TNFSF4: variants seen among roughly 807,000 people sequenced by gnomAD.
The protein encoded by TNFSF4 is TNF superfamily member 4, also known as tumor necrosis factor ligand superfamily member 4.
A neutral mutation model predicts 7.3 loss-of-function variants in TNFSF4; 4 were observed. That is an observed-to-expected ratio of 0.55 (90% CI 0.27 to 1.25). The LOEUF (loss-of-function observed/expected upper bound fraction) is 1.25. TNFSF4 is among the 50% of genes most tolerant of loss of function. TNFSF4 has a pLI of 0.12. For synonymous variants in TNFSF4, 76 were observed against 83.7 expected, an observed-to-expected ratio of 0.91 and a Z score of 0.50; for missense variants, 181 against 208.8, an observed-to-expected ratio of 0.87 and a Z score of 0.82.
At chr1:173,177,127 AG>A in the TNFSF4 span, among the ~76,000 whole-genome samples, 4 of 152,100 alleles carry the variant, frequency 2.6e-5, no homozygotes, top group African/African-American at 9.7e-5. Context: ...CTAAAATAAA[AG>A]TTTTAAAAAT....
the TNFSF4 span, among the ~76,000 whole-genome samples, chr1:173,442,551 G>GT: frequency 3.4e-4 from 41 of 119,398 alleles, no homozygotes; most frequent in African/African-American, 1.1e-3. Flanking sequence ...TTTTGTTTTT[G>GT]TTTTTTTTTT....
the TNFSF4 span, among the ~76,000 whole-genome samples, chr1:173,422,750 A>G: frequency 6.6e-6 from 1 of 152,218 alleles, no homozygotes; most frequent in Non-Finnish European, 1.5e-5. Context: ...TTGGAAAACC[A>G]GTCAATTACC....
chr1:173,318,487 G>A, the TNFSF4 span, among the ~76,000 whole-genome samples: 1 of 152,112 alleles, frequency 6.6e-6, no homozygotes, highest in Non-Finnish European at 1.5e-5. Context: ...CATTCTTAAG[G>A]TCAAGGGAAT....
At chr1:173,191,627 T>A (rs1649482298) in intron 1 of TNFSF4, among the ~76,000 whole-genome samples, 1 of 152,148 alleles carries the variant, frequency 6.6e-6, no homozygotes, top group Non-Finnish European at 1.5e-5. Context: ...TTTGTTCTGA[T>A]CTCCTTGCAC....
chr1:173,393,879 AC>A, the TNFSF4 span, among the ~76,000 whole-genome samples: 1 of 152,200 alleles, frequency 6.6e-6, no homozygotes, highest in African/African-American at 2.4e-5. Context: ...AGCATCCCAT[AC>A]TGCATAACTT....
At chr1:173,319,764 G>A in the TNFSF4 span, among the ~76,000 whole-genome samples, 60 of 152,218 alleles carry the variant, frequency 3.9e-4, no homozygotes, top group African/African-American at 1.3e-3. Context: ...GCAGAAGAGG[G>A]GCCTGACTGT....
chr1:173,188,424 A>G, intron 2 of TNFSF4, 97 bp downstream of exon 2: 1 of 973,496 alleles, frequency 1.0e-6, no homozygotes. Context: ...TCCTTCCCTT[A>G]GGAAAAGAAG....
the TNFSF4 span, among the ~76,000 whole-genome samples, chr1:173,323,432 T>C: frequency 6.6e-6 from 1 of 152,024 alleles, no homozygotes; most frequent in Non-Finnish European, 1.5e-5. Context: ...GCAGAAAAAC[T>C]GGAAACTCTA....
At chr1:173,373,777 G>C in the TNFSF4 span, among the ~76,000 whole-genome samples, 6 of 152,356 alleles carry the variant, frequency 3.9e-5, no homozygotes, top group East Asian at 5.8e-4. Flanking sequence ...TTGTTGGTCT[G>C]TGCTGACACC....
At chr1:173,319,422 A>G in the TNFSF4 span, among the ~76,000 whole-genome samples, 2 of 152,166 alleles carry the variant, frequency 1.3e-5, no homozygotes, top group African/African-American at 2.4e-5. Flanking sequence ...GCTTCAGCGG[A>G]TTTAATCTTT....
At chr1:173,422,910 G>C in the TNFSF4 span, among the ~76,000 whole-genome samples, 1 of 152,092 alleles carries the variant, frequency 6.6e-6, no homozygotes, top group Non-Finnish European at 1.5e-5. Flanking sequence ...GGAGAAAGGA[G>C]GTTTGTCAGC....
At chr1:173,204,286 T>A (rs1217762552) in intron 1 of TNFSF4, among the ~76,000 whole-genome samples, 1 of 152,224 alleles carries the variant, frequency 6.6e-6, no homozygotes, top group Non-Finnish European at 1.5e-5. Context: ...TTGATCCTAC[T>A]TTCTCATAAT....
At chr1:173,294,859 GA>G in the TNFSF4 span, among the ~76,000 whole-genome samples, 5 of 151,878 alleles carry the variant, frequency 3.3e-5, no homozygotes, top group Non-Finnish European at 7.4e-5. Context: ...ACATATGACT[GA>G]AAAAACTTTT....
At chr1:173,241,503 C>T in the TNFSF4 span, among the ~76,000 whole-genome samples, 1 of 152,304 alleles carries the variant, frequency 6.6e-6, no homozygotes, top group East Asian at 1.9e-4. Flanking sequence ...TCTCTATCCA[C>T]AGCATTAGTA....
chr1:173,238,193 C>G, the TNFSF4 span, among the ~76,000 whole-genome samples: 3 of 152,148 alleles, frequency 2.0e-5, no homozygotes, highest in South Asian at 2.1e-4. Context: ...GCTGGGAAAA[C>G]AGCCTAGCCA....
the TNFSF4 span, among the ~76,000 whole-genome samples, chr1:173,223,309 T>C: frequency 1.3e-5 from 2 of 152,224 alleles, no homozygotes. Flanking sequence ...AGTTTCATTC[T>C]GGCTGGACCA....
chr1:173,407,017 G>A, the TNFSF4 span, among the ~76,000 whole-genome samples: 2 of 152,164 alleles, frequency 1.3e-5, no homozygotes, highest in African/African-American at 4.8e-5. Flanking sequence ...GGATATTACA[G>A]CAGCAGCAGG....
At chr1:173,387,235 A>C in the TNFSF4 span, among the ~76,000 whole-genome samples, 1 of 152,186 alleles carries the variant, frequency 6.6e-6, no homozygotes, top group African/African-American at 2.4e-5. Flanking sequence ...TTCATGTTGA[A>C]ACTGAATCCC....
the TNFSF4 span, among the ~76,000 whole-genome samples, chr1:173,392,237 A>G: frequency 6.6e-6 from 1 of 152,230 alleles, no homozygotes; most frequent in Non-Finnish European, 1.5e-5. Flanking sequence ...TGCCTATCTC[A>G]TAGAATTAGT....
Sources: gnomAD v4.1 joint callset for allele counts (sites outside exome capture counted in the v4.1 genomes callset) on GRCh38, gnomAD v4.1.1 for gene constraint, MANE v1.5 for transcripts, NCBI Gene and HGNC (gene_info 2026-07-23, HGNC 2026-07-21) for gene names.